SUSD6: variants seen among roughly 807,000 people sequenced by gnomAD.
SUSD6 encodes the protein sushi domain-containing protein 6.
A neutral mutation model predicts 28.4 loss-of-function variants in SUSD6; 16 were observed. The ratio of observed to expected loss-of-function variants is 0.56; its 90% CI spans 0.38 to 0.86. SUSD6 has a LOEUF of 0.86. Among genes scored for constraint, SUSD6 ranks in the 40% least tolerant of loss-of-function variants. The pLI, the probability that SUSD6 is intolerant of heterozygous loss-of-function variation, is 0.00. For synonymous variants in SUSD6, 147 were observed against 159.6 expected, an observed-to-expected ratio of 0.92 and a Z score of 0.59; for missense variants, 341 against 384.2, an observed-to-expected ratio of 0.89 and a Z score of 0.94.
rs536371641 is a variant in SUSD6, at chr14:69,626,038, T to C, written c.-81+14210T>C. ...CTGTTTGTGGGACTGAATGGTTGAG[T>C]TGAAGCCAGTCTTGGTGGGAAATAG... On this transcript the variant is annotated intron_variant, in intron 1 of 5. Coordinates refer to ENST00000342745, the MANE Select transcript of SUSD6 (RefSeq NM_014734.4). Among the ~76,000 whole-genome samples, 107 of 152,280 alleles carry C rather than the reference T, an allele frequency of 7.0e-4. 2 individuals carry two copies. The highest frequency in any genetic ancestry group is 2.4e-3 in the African/African-American group (101 of 41,542).
intron 1 of SUSD6, among the ~76,000 whole-genome samples, chr14:69,623,220 A>G (rs893457612): frequency 6.6e-6 from 1 of 152,202 alleles, no homozygotes; most frequent in African/African-American, 2.4e-5. Context: ...GTATTTGTGT[A>G]CTAATGGAAC....
intron 1 of SUSD6, among the ~76,000 whole-genome samples, chr14:69,625,773 G>A (rs1386574304): frequency 2.6e-5 from 4 of 152,104 alleles, no homozygotes; most frequent in East Asian, 3.9e-4. Context: ...CACTCCCCTC[G>A]TGGGCTCAGT....
intron 4 of SUSD6, 66 bp downstream of exon 4, chr14:69,704,808 T>C: frequency 6.4e-7 from 1 of 1,551,704 alleles, no homozygotes; most frequent in South Asian, 1.2e-5. Context: ...GGCCAGTCTT[T>C]GGTGGAGGGT....
Position 69,713,899 on chromosome 14 carries a change from C to CT in SUSD6, c.*2922dup, listed in dbSNP as rs1483619447. ...CAGTGCAGGTTTAATATCCTGGTGA[C>CT]TTGCAGTCACATTCTAATGACTTTC... On this transcript the variant is annotated 3_prime_UTR_variant, in exon 6 of 6. Transcript: ENST00000342745. The CT allele has an allele frequency of 1.4e-5, 2 of 141,200 alleles. No homozygotes were observed. The highest frequency in any genetic ancestry group is 2.7e-5 in the African/African-American group (1 of 37,594). 8.7% of individuals were successfully genotyped at this position (141,200 alleles called of 1,614,324 possible).
At chr14:69,657,738 A>G (rs1885604053) in intron 1 of SUSD6, among the ~76,000 whole-genome samples, 1 of 152,226 alleles carries the variant, frequency 6.6e-6, no homozygotes, top group Non-Finnish European at 1.5e-5. Flanking sequence ...ACCTCCCTAA[A>G]GGCTTATAGA....
Position 69,648,512 on chromosome 14 carries a change from G to A in SUSD6, c.-80-10001G>A, listed in dbSNP as rs182681589. Among the ~76,000 whole-genome samples, 5 of 152,260 alleles carry A rather than the reference G, an allele frequency of 3.3e-5. No individual in the cohort carries two copies. The East Asian group carries it at 9.6e-4, about 29-fold the overall frequency. On this transcript the variant is annotated intron_variant, in intron 1 of 5. Transcript: ENST00000342745. ...AATTGAATGAAATAGAGGGAAGGAT[G>A]GTTTAGAGTTGGGGTTTTTGGTGAG...
intron 2 of SUSD6, among the ~76,000 whole-genome samples, chr14:69,699,205 C>T (rs2139642824): frequency 1.3e-5 from 2 of 152,050 alleles, no homozygotes; most frequent in South Asian, 4.2e-4. Flanking sequence ...TTTTTCTTTT[C>T]TTTTCTTTTC....
At chr14:69,669,712 T>C (rs927116585) in intron 2 of SUSD6, among the ~76,000 whole-genome samples, 1 of 152,146 alleles carries the variant, frequency 6.6e-6, no homozygotes, top group African/African-American at 2.4e-5. Flanking sequence ...CTTCTCTTTA[T>C]CCTTCAAAGT....
At position 69,713,682 on chromosome 14, in the gene SUSD6, A is replaced by G. The variant is rs1396435312; in HGVS notation, c.*2703A>G. On this transcript the variant is annotated 3_prime_UTR_variant, in exon 6 of 6. Transcript: ENST00000342745. The stretch of plus-strand genomic sequence containing the variant: ...ACAGGCTGCCTGAGGAGCCTGGAGC[A>G]GGTGGAAACAGGTGGAAGAAACCGG... 1 of 152,258 alleles carries G rather than the reference A, an allele frequency of 6.6e-6. No individual in the cohort carries two copies. The highest frequency in any genetic ancestry group is 6.5e-5 in the Admixed American group (1 of 15,286). The allele number at this position is 152,258 out of a possible 1,614,324, so 9.4% of individuals were successfully genotyped here. A position where few individuals can be genotyped will look rare whatever the true frequency, so the allele number is the denominator to read the frequency against.
chr14:69,614,274 C>T (rs998178462), intron 1 of SUSD6, among the ~76,000 whole-genome samples: 4 of 152,322 alleles, frequency 2.6e-5, no homozygotes. Context: ...ACCATGTTGG[C>T]TAGGCTGGTC....
intron 2 of SUSD6, among the ~76,000 whole-genome samples, chr14:69,689,036 CTGCCTTTGTTTG>C (rs1886115726): frequency 6.6e-6 from 1 of 152,196 alleles, no homozygotes; most frequent in Admixed American, 6.5e-5. Flanking sequence ...TCTTGATTCT[CTGCCTTTGTTTG>C]TGCCTTTATG....
At chr14:69,627,407 C>T (rs899438840) in intron 1 of SUSD6, among the ~76,000 whole-genome samples, 4 of 152,212 alleles carry the variant, frequency 2.6e-5, no homozygotes, top group Non-Finnish European at 4.4e-5. Context: ...TAGGGACATA[C>T]TGTAGGCAGT....
intron 1 of SUSD6, among the ~76,000 whole-genome samples, chr14:69,613,510 T>G (rs2139586142): frequency 6.6e-6 from 1 of 152,382 alleles, no homozygotes; most frequent in African/African-American, 2.4e-5. Context: ...CATTTGTTCA[T>G]TCTTTCATTC....
intron 1 of SUSD6, among the ~76,000 whole-genome samples, chr14:69,654,790 G>GGTGTGTGTGTGTGTGTGTGTGTGTGTGT (rs34122510): frequency 2.0e-5 from 2 of 98,986 alleles, no homozygotes; most frequent in African/African-American, 8.1e-5. Flanking sequence ...TTTTTTTTTT[G>GGTGTGTGTGTGTGTGTGTGTGTGTGTGT]GTGTGTGTGT....
At chr14:69,631,138 C>T (rs1188439763) in intron 1 of SUSD6, among the ~76,000 whole-genome samples, 1 of 152,232 alleles carries the variant, frequency 6.6e-6, no homozygotes, top group East Asian at 1.9e-4. Context: ...TTTAGCATCA[C>T]CTGGGCCACC....
chr14:69,696,136 C>T (rs895402736), intron 2 of SUSD6, among the ~76,000 whole-genome samples: 4 of 152,248 alleles, frequency 2.6e-5, no homozygotes, highest in African/African-American at 7.2e-5. Flanking sequence ...GCCCTGCCCC[C>T]CTCAGCAGGC....
chr14:69,655,403 T>C (rs1199920988), intron 1 of SUSD6, among the ~76,000 whole-genome samples: 1 of 152,122 alleles, frequency 6.6e-6, no homozygotes, highest in African/African-American at 2.4e-5. Context: ...ATTGCACATG[T>C]GATTTCTTAG....
intron 1 of SUSD6, among the ~76,000 whole-genome samples, chr14:69,630,426 T>G (rs1885176785): frequency 6.6e-6 from 1 of 152,212 alleles, no homozygotes; most frequent in Non-Finnish European, 1.5e-5. Context: ...CTGCACAACT[T>G]AATTAAATTA....
chr14:69,702,522 T>G (rs1232857883), intron 2 of SUSD6, among the ~76,000 whole-genome samples: 3 of 152,198 alleles, frequency 2.0e-5, no homozygotes, highest in African/African-American at 7.2e-5. Flanking sequence ...ACTGACCAGT[T>G]TCAAGAGGGC....
Sources: gnomAD v4.1 joint callset for allele counts (sites outside exome capture counted in the v4.1 genomes callset) on GRCh38, gnomAD v4.1.1 for gene constraint, MANE v1.5 for transcripts, NCBI Gene and HGNC (gene_info 2026-07-23, HGNC 2026-07-21) for gene names.